TG: variants seen among roughly 807,000 people sequenced by gnomAD.
The protein encoded by TG is thyroid hormones.
Under a neutral mutation model 324.7 loss-of-function variants are expected in TG, and 270 were observed. The ratio of observed to expected loss-of-function variants is 0.83; its 90% confidence interval spans 0.75 to 0.92. The LOEUF is 0.92. TG is among the 40% of genes least tolerant of loss of function. The pLI is 0.00. For missense variants in TG, 3,591 were observed against 3,456.4 expected, an observed-to-expected ratio of 1.04 and a Z score of -0.98; for synonymous variants, 1,401 against 1,327.0, an observed-to-expected ratio of 1.06 and a Z score of -1.21.
intron 41 of TG, among the ~76,000 whole-genome samples, chr8:133,092,876 T>TTTAAACAA (rs1847788002): frequency 6.6e-6 from 1 of 152,200 alleles, no homozygotes; most frequent in Non-Finnish European, 1.5e-5. Context: ...TTAAACAAAA[T>TTTAAACAA]ACTTTAAGAG....
intron 18 of TG, among the ~76,000 whole-genome samples, chr8:132,909,368 C>G (rs1248803537): frequency 6.6e-6 from 1 of 152,192 alleles, no homozygotes; most frequent in Admixed American, 6.5e-5. Context: ...CAGGGAATGG[C>G]TGAAGACATG....
chr8:132,920,078 G>A (rs1378862245), intron 21 of TG, among the ~76,000 whole-genome samples: 2 of 152,200 alleles, frequency 1.3e-5, no homozygotes, highest in African/African-American at 4.8e-5. Context: ...TTATCAGATT[G>A]AAAAATGGAA....
At chr8:132,929,885 T>C (rs886630709) in intron 23 of TG, among the ~76,000 whole-genome samples, 7 of 152,198 alleles carry the variant, frequency 4.6e-5, no homozygotes, top group Non-Finnish European at 8.8e-5. Context: ...GGGGTGTGCA[T>C]GCAGGCTTGT....
chr8:133,048,315 G>T (rs1441922434), intron 41 of TG, among the ~76,000 whole-genome samples: 3 of 152,082 alleles, frequency 2.0e-5, no homozygotes, highest in Admixed American at 2.0e-4. Context: ...CCACCTTCCA[G>T]GTTCAAGTGA....
In TG at chr8:133,096,382, G is replaced by A; in HGVS notation, c.7572+9G>A. ...GAGCAAAGGCTGTGAAGGTAAGCAG[G>A]GAGGGGGCCTCGGATGTCTCCAGCT... is the stretch of plus-strand genomic sequence containing the variant. On this transcript the variant is annotated intron_variant, in intron 43 of 47. Transcript: ENST00000220616. The A allele has an allele frequency of 6.2e-7, 1 of 1,614,138 alleles. No homozygotes were observed. The highest frequency in any genetic ancestry group is 2.2e-5 in the East Asian group (1 of 44,884).
chr8:132,900,954 G>A (rs987956567), intron 15 of TG, among the ~76,000 whole-genome samples: 23 of 152,174 alleles, frequency 1.5e-4, no homozygotes, highest in African/African-American at 4.3e-4. Context: ...CAATATGTCC[G>A]TCTATCCCCT....
intron 26 of TG, among the ~76,000 whole-genome samples, chr8:132,944,764 G>A (rs1824987500): frequency 6.6e-6 from 1 of 152,222 alleles, no homozygotes; most frequent in African/African-American, 2.4e-5. Context: ...ATATTGCATT[G>A]AAAACATGTA....
intron 35 of TG, chr8:133,002,743 G>T: frequency 4.0e-6 from 1 of 252,004 alleles, no homozygotes; most frequent in South Asian, 5.4e-5. Flanking sequence ...TTCTTTTTCT[G>T]ATCATTTTCC....
intron 14 of TG, among the ~76,000 whole-genome samples, chr8:132,899,776 A>G (rs1817653515): frequency 1.3e-5 from 2 of 152,202 alleles, no homozygotes; most frequent in Admixed American, 1.3e-4. Flanking sequence ...AGAAGGGATT[A>G]CAGAGTGGAG....
At chr8:132,927,918 G>A (rs1046526715) in intron 22 of TG, among the ~76,000 whole-genome samples, 3 of 152,192 alleles carry the variant, frequency 2.0e-5, no homozygotes, top group African/African-American at 7.2e-5. Flanking sequence ...GATGAGAGAA[G>A]AAGGGCTTTG....
chr8:133,080,252 T>G (rs1380036139), intron 41 of TG, among the ~76,000 whole-genome samples: 1 of 152,148 alleles, frequency 6.6e-6, no homozygotes, highest in Non-Finnish European at 1.5e-5. Context: ...AGGGAATGAA[T>G]ATTGGGGAAA....
chr8:133,024,375 TTTCTTTCTTTCTTTCTTTTTC>T (rs1835864634), intron 40 of TG, among the ~76,000 whole-genome samples: 1 of 119,916 alleles, frequency 8.3e-6, no homozygotes, highest in Non-Finnish European at 1.8e-5. Context: ...TCTTTCTTTC[TTTCTTTCTTTCTTTCTTTTTC>T]TTTTTTTAAT....
At chr8:133,122,617 C>G (rs533692538) in intron 45 of TG, among the ~76,000 whole-genome samples, 25 of 152,318 alleles carry the variant, frequency 1.6e-4, no homozygotes, top group Admixed American at 9.2e-4. Context: ...CATGTAGCCT[C>G]ACCTACATCT....
At chr8:133,074,455 T>C (rs1844560423) in intron 41 of TG, among the ~76,000 whole-genome samples, 1 of 152,188 alleles carries the variant, frequency 6.6e-6, no homozygotes, top group Admixed American at 6.5e-5. Flanking sequence ...GTGCATTAGG[T>C]ACCATCATTG....
chr8:133,049,599 A>G, intron 41 of TG: 5 of 388,718 alleles, frequency 1.3e-5, no homozygotes, highest in South Asian at 1.3e-4. Context: ...TAGTCTCTGC[A>G]CTGTGCTGTG....
At position 132,897,646 on chromosome 8, in the gene TG, C is replaced by A. The variant is rs1319493512; in HGVS notation, c.3002-3C>A. The A allele has an allele frequency of 6.2e-7, 1 of 1,614,196 alleles. No homozygotes were observed. The highest frequency in any genetic ancestry group is 2.2e-5 in the East Asian group (1 of 44,882). On this transcript the variant is annotated splice_region_variant and splice_polypyrimidine_tract_variant and intron_variant, in intron 11 of 47. Coordinates refer to ENST00000220616, the MANE Select transcript of TG (RefSeq NM_003235.5). ...TTCTGCTTTTCTCCTTCCCTGACTC[C>A]AGCCTTAAGCTTCTATCAGAGACGC... is the stretch of plus-strand genomic sequence containing the variant.
intron 42 of TG, among the ~76,000 whole-genome samples, chr8:133,095,451 C>T (rs1036808168): frequency 5.3e-5 from 8 of 152,134 alleles, no homozygotes; most frequent in African/African-American, 1.9e-4. Context: ...TTATTTATAA[C>T]ATGGGAATAG....
At chr8:132,989,305 C>T (rs1358403208) in intron 35 of TG, among the ~76,000 whole-genome samples, 1 of 152,168 alleles carries the variant, frequency 6.6e-6, no homozygotes, top group Non-Finnish European at 1.5e-5. Flanking sequence ...GGATTGAAAG[C>T]CAGGGTAAAC....
At chr8:132,897,418 C>A in intron 11 of TG, among the ~76,000 whole-genome samples, 1 of 152,170 alleles carries the variant, frequency 6.6e-6, no homozygotes, top group East Asian at 1.9e-4. Flanking sequence ...TAGAGGTCTA[C>A]TATAATATTC....
Sources: gnomAD v4.1 joint callset for allele counts (sites outside exome capture counted in the v4.1 genomes callset) on GRCh38, gnomAD v4.1.1 for gene constraint, MANE v1.5 for transcripts, NCBI Gene and HGNC (gene_info 2026-07-23, HGNC 2026-07-21) for gene names.